The following GRID2 variants were observed in gnomAD, a reference collection of about 807,000 sequenced individuals.
GRID2 encodes glutamate ionotropic receptor delta type subunit 2.
In GRID2, 33 loss-of-function variants were observed where a neutral mutation model predicts 114.8. That is an observed-to-expected ratio of 0.29 (90% CI 0.22 to 0.38). GRID2 has a LOEUF of 0.38. Ranked by LOEUF, GRID2 falls within the 10% of genes least tolerant of loss-of-function variation. The pLI is 1.00. For synonymous variants in GRID2, 505 were observed against 449.9 expected, an observed-to-expected ratio of 1.12 and a Z score of -1.55; for missense variants, 1,184 against 1,257.7, an observed-to-expected ratio of 0.94 and a Z score of 0.89.
At chr4:93,136,536 T>A (rs1232776326) in intron 4 of GRID2, among the ~76,000 whole-genome samples, 1 of 152,140 alleles carries the variant, frequency 6.6e-6, no homozygotes, top group East Asian at 1.9e-4. Context: ...AAACTTTCAA[T>A]GAAAAGGAAT....
At chr4:93,207,346 G>A in intron 4 of GRID2, 58 bp from the exon 5 acceptor site, 1 of 1,111,152 alleles carries the variant, frequency 9.0e-7, no homozygotes, top group Non-Finnish European at 1.4e-6. Flanking sequence ...TATTCATTTA[G>A]TTGGGTTTGT....
intron 2 of GRID2, among the ~76,000 whole-genome samples, chr4:92,985,604 T>C (rs751447935): frequency 1.3e-5 from 2 of 152,146 alleles, no homozygotes; most frequent in Non-Finnish European, 2.9e-5. Flanking sequence ...TCTTCTCTCC[T>C]GAAAGCATGA....
intron 2 of GRID2, among the ~76,000 whole-genome samples, chr4:92,666,636 T>C (rs1732790532): frequency 7.0e-6 from 1 of 143,456 alleles, no homozygotes; most frequent in South Asian, 2.3e-4. Flanking sequence ...GGCTGATGTG[T>C]AAACTTAAGG....
At chr4:93,415,689 C>A (rs1443273659) in intron 9 of GRID2, among the ~76,000 whole-genome samples, 3 of 151,898 alleles carry the variant, frequency 2.0e-5, no homozygotes, top group Admixed American at 2.0e-4. Context: ...CTCCACTTAG[C>A]CTTTAAGTCA....
At chr4:93,400,969 T>C (rs1307133714) in intron 9 of GRID2, among the ~76,000 whole-genome samples, 1 of 152,060 alleles carries the variant, frequency 6.6e-6, no homozygotes, top group East Asian at 1.9e-4. Context: ...CCTGAGTAGC[T>C]GGGACTACAG....
At chr4:92,585,010 G>A (rs148745515) in intron 1 of GRID2, among the ~76,000 whole-genome samples, 11 of 151,968 alleles carry the variant, frequency 7.2e-5, no homozygotes, top group Non-Finnish European at 1.2e-4. Context: ...ATCTTCTTAT[G>A]GCATCTTATT....
chr4:93,457,317 A>G (rs1189462056), intron 11 of GRID2, among the ~76,000 whole-genome samples: 1 of 152,060 alleles, frequency 6.6e-6, no homozygotes, highest in East Asian at 1.9e-4. Flanking sequence ...AGGAAGATGA[A>G]TGGAGAAAAG....
intron 1 of GRID2, among the ~76,000 whole-genome samples, chr4:92,539,041 C>CAAA (rs36120695): frequency 2.0e-5 from 2 of 102,224 alleles, no homozygotes; most frequent in African/African-American, 3.5e-5. Context: ...GACTCCATCT[C>CAAA]AAAAAAAAAA....
chr4:92,903,891 A>T lies in GRID2; in HGVS notation c.245-181104A>T, dbSNP rs149824316. Among the ~76,000 whole-genome samples, 354 of 152,062 alleles carry T rather than the reference A, an allele frequency of 2.3e-3. 6 individuals are homozygous for T. The highest frequency in any genetic ancestry group is 9.6e-4 in the Non-Finnish European group (65 of 67,838). On this transcript the variant is annotated intron_variant, in intron 2 of 15. Transcript: ENST00000282020. ...ATTGGAGGCAATAGGTAAGTAAACA[A>T]TGGGAGGGTGTTGGAGAGAGATCTA...
rs70942914 is a variant in GRID2, at chr4:92,587,098, CTGTGTGTGTG to C, written c.89-2999_89-2990del. On this transcript the variant is annotated intron_variant, in intron 1 of 15. Transcript: ENST00000282020. ...ATATATAGAGAGTACTGATGAAATG[CTGTGTGTGTG>C]TGTGTGTGTGTGTGTGTGTGTGTGT... Among the ~76,000 whole-genome samples the C allele has an allele frequency of 4.7e-3, 623 of 133,838 alleles. 3 individuals are homozygous for C. The highest frequency in any genetic ancestry group is 5.4e-3 in the Non-Finnish European group (330 of 61,636). The allele number at this position is 133,838 out of a possible 152,430, so 87.8% of individuals were successfully genotyped here.
chr4:92,392,211 G>A (rs1730273874), intron 1 of GRID2, among the ~76,000 whole-genome samples: 1 of 152,038 alleles, frequency 6.6e-6, no homozygotes, highest in Admixed American at 6.6e-5. Context: ...AAGTAAATTT[G>A]ACACATGATA....
chr4:93,193,235 C>G (rs138964944), intron 4 of GRID2, among the ~76,000 whole-genome samples: 339 of 152,264 alleles, frequency 2.2e-3, no homozygotes, highest in Non-Finnish European at 3.7e-3. Flanking sequence ...GTCAGCCCAT[C>G]TCCTTGGGTC....
chr4:93,145,179 G>A (rs1018135854), intron 4 of GRID2, among the ~76,000 whole-genome samples: 1 of 152,060 alleles, frequency 6.6e-6, no homozygotes, highest in Admixed American at 6.6e-5. Context: ...GCTTATCACA[G>A]CATGTTGCAC....
chr4:92,567,835 A>G (rs1727408617), intron 1 of GRID2, among the ~76,000 whole-genome samples: 1 of 152,076 alleles, frequency 6.6e-6, no homozygotes, highest in South Asian at 2.1e-4. Flanking sequence ...CTACTTACCT[A>G]ATATGCGATG....
At chr4:93,685,335 G>A (rs1189364707) in intron 14 of GRID2, among the ~76,000 whole-genome samples, 5 of 151,978 alleles carry the variant, frequency 3.3e-5, no homozygotes, top group Non-Finnish European at 7.4e-5. Context: ...TCAAAATCAT[G>A]TGCTGTTACC....
chr4:93,001,078 T>C (rs1222993391), intron 2 of GRID2, among the ~76,000 whole-genome samples: 1 of 151,702 alleles, frequency 6.6e-6, no homozygotes, highest in Non-Finnish European at 1.5e-5. Context: ...ATCTAGCTCC[T>C]GATGAAAACA....
chr4:93,559,219 A>G (rs1734640796), intron 13 of GRID2, among the ~76,000 whole-genome samples: 1 of 152,210 alleles, frequency 6.6e-6, no homozygotes, highest in African/African-American at 2.4e-5. Context: ...TGGCAACAGA[A>G]GCCAAAATTG....
At chr4:92,493,347 T>G (rs959967315) in intron 1 of GRID2, among the ~76,000 whole-genome samples, 3 of 152,188 alleles carry the variant, frequency 2.0e-5, no homozygotes, top group African/African-American at 7.2e-5. Context: ...TTCTTCCACC[T>G]GATACCTATG....
chr4:92,489,468 CAAT>C (rs1352755229), intron 1 of GRID2, among the ~76,000 whole-genome samples: 1 of 151,962 alleles, frequency 6.6e-6, no homozygotes, highest in Non-Finnish European at 1.5e-5. Flanking sequence ...CATGTAACAA[CAAT>C]AATAAATAAA....
Sources: gnomAD v4.1 joint callset for allele counts (sites outside exome capture counted in the v4.1 genomes callset) on GRCh38, gnomAD v4.1.1 for gene constraint, MANE v1.5 for transcripts, NCBI Gene and HGNC (gene_info 2026-07-23, HGNC 2026-07-21) for gene names.